KIAA0232: variants seen among roughly 807,000 people sequenced by gnomAD.
KIAA0232 encodes the protein KIAA0232, also known as uncharacterized protein KIAA0232.
A neutral mutation model predicts 122.0 loss-of-function variants in KIAA0232; 27 were observed. The ratio of observed to expected loss-of-function variants is 0.22; its 90% CI spans 0.16 to 0.31. The LOEUF (loss-of-function observed/expected upper bound fraction) is 0.31. KIAA0232 is among the 10% of genes least tolerant of loss of function. The probability of loss-of-function intolerance (pLI) is 1.00; values close to 1 mark genes in which losing one functional copy is unlikely to be tolerated. For synonymous variants in KIAA0232, 613 were observed against 587.6 expected, an observed-to-expected ratio of 1.04 and a Z score of -0.63; for missense variants, 1,551 against 1,634.2, an observed-to-expected ratio of 0.95 and a Z score of 0.88.
rs752428517 is a variant in KIAA0232, at chr4:6,800,043, C to CTTTTTTTTTTTTT, written c.-353-4460_-353-4448dup. On this transcript the variant is annotated intron_variant, in intron 1 of 9. Transcript: ENST00000307659. ...TTTCTTTTTCTTTCTTTCTTTCTTT[C>CTTTTTTTTTTTTT]TTTTTTTTTTTTTTTTTTTTTTTTT... Among the ~76,000 whole-genome samples the CTTTTTTTTTTTTT allele has an allele frequency of 2.6e-3, 158 of 60,046 alleles. 27 individuals are homozygous for CTTTTTTTTTTTTT. The highest frequency in any genetic ancestry group is 3.4e-3 in the Non-Finnish European group (95 of 28,086). 39.4% of individuals were successfully genotyped at this position (60,046 alleles called of 152,430 possible). A position where few individuals can be genotyped will look rare whatever the true frequency, so the allele number is the denominator to read the frequency against.
At position 6,866,317 on chromosome 4, in the gene KIAA0232, TAGC is replaced by T. The variant is rs1275656932; in HGVS notation, c.3801+2135_3801+2137del. 1.6e-5 allele frequency: 12 copies of T among 768,814 alleles called. No individual in the cohort carries two copies. In the Admixed American group the frequency reaches 6.9e-4, roughly 44 times the overall value. 47.6% of individuals were successfully genotyped at this position (768,814 alleles called of 1,614,324 possible). A position where few individuals can be genotyped will look rare whatever the true frequency, so the allele number is the denominator to read the frequency against. On this transcript the variant is annotated intron_variant, in intron 7 of 9. Coordinates refer to ENST00000307659, the MANE Select transcript of KIAA0232 (RefSeq NM_014743.3). ...AATTCCGGGTTTCCTTGAAAGGTCT[TAGC>T]TGCCAAAAAAATTCCCAGAGGACAT...
At chr4:6,783,872 A>G (rs2108839254) in intron 1 of KIAA0232, among the ~76,000 whole-genome samples, 1 of 152,304 alleles carries the variant, frequency 6.6e-6, no homozygotes, top group African/African-American at 2.4e-5. Flanking sequence ...ACGCGTCTGC[A>G]GCCGGCATTT....
At chr4:6,785,849 A>G (rs984705939) in intron 1 of KIAA0232, among the ~76,000 whole-genome samples, 1 of 152,202 alleles carries the variant, frequency 6.6e-6, no homozygotes, top group Non-Finnish European at 1.5e-5. Flanking sequence ...GTCCAGCTAA[A>G]CAAGACTGCT....
intron 2 of KIAA0232, among the ~76,000 whole-genome samples, chr4:6,821,217 T>C (rs1718405536): frequency 6.6e-6 from 1 of 152,208 alleles, no homozygotes; most frequent in Non-Finnish European, 1.5e-5. Context: ...AATTTTTTGC[T>C]TTTTATTTTT....
Position 6,855,893 on chromosome 4 carries a change from A to C in KIAA0232, c.370-1271A>C. ...TTGCCGTCCTTGTCACACCTTGAGC[A>C]TTATGGTAAGCAGGTGCTTTCTGGT... On this transcript the variant is annotated intron_variant, in intron 4 of 9. Transcript: ENST00000307659. This position sits in a 1 kb window ranked among gnomAD's most constrained non-coding sequence, Gnocchi z 4.3. 1 of 983,896 alleles carries C rather than the reference A, an allele frequency of 1.0e-6. No homozygotes were observed. The highest frequency in any genetic ancestry group is 1.1e-4 in the East Asian group (1 of 8,818). The allele number at this position is 983,896 out of a possible 1,614,324, so 60.9% of individuals were successfully genotyped here.
intron 7 of KIAA0232, among the ~76,000 whole-genome samples, chr4:6,868,076 C>G (rs1006758777): frequency 2.0e-5 from 3 of 152,108 alleles, no homozygotes; most frequent in African/African-American, 4.8e-5. Flanking sequence ...GGCAAGATTC[C>G]CAGAGTAAAA....
intron 3 of KIAA0232, among the ~76,000 whole-genome samples, chr4:6,832,400 G>C (rs1719038054): frequency 6.7e-6 from 1 of 150,104 alleles, no homozygotes; most frequent in South Asian, 2.1e-4. Flanking sequence ...CTAGGCTGGA[G>C]TGTAGTGGCG....
At chr4:6,835,551 T>A (rs1380169060) in intron 3 of KIAA0232, among the ~76,000 whole-genome samples, 1 of 152,222 alleles carries the variant, frequency 6.6e-6, no homozygotes, top group Non-Finnish European at 1.5e-5. Context: ...ATCTGCCATG[T>A]TGGTTTGCTG....
rs758101382 is a variant in KIAA0232 at position 6,863,972 on chromosome 4, A to C, written c.3590A>C (p.Glu1197Ala). ...SAQTSLDSQE[E>A]STGILSVGKQ... ...CAGACATCACTGGATTCCCAGGAGG[A>C]ATCAACTGGGATTCTTTCAGTAGGA... The change falls in exon 7 of 10, where the codon GAA becomes GCA. Residue 1197 changes from glutamate (E) to alanine (A), a missense_variant. Around this residue, in one of 5 missense-constraint regions of KIAA0232, gnomAD observed 1,108 missense variants for 1,154.8 expected, o/e 0.96. Coordinates refer to ENST00000307659, the MANE Select transcript of KIAA0232 (RefSeq NM_014743.3). 1.9e-6 allele frequency: 3 copies of C among 1,613,876 alleles called. No individual in the cohort carries two copies. In the African/African-American group the frequency reaches 4.0e-5, roughly 22 times the overall value.
intron 2 of KIAA0232, among the ~76,000 whole-genome samples, chr4:6,823,815 G>C (rs1305216330): frequency 6.6e-6 from 1 of 151,666 alleles, no homozygotes; most frequent in African/African-American, 2.4e-5. Context: ...CTTTTTAAAA[G>C]TTCACAATGT....
At chr4:6,797,030 A>G (rs1717162189) in intron 1 of KIAA0232, among the ~76,000 whole-genome samples, 1 of 152,174 alleles carries the variant, frequency 6.6e-6, no homozygotes, top group Non-Finnish European at 1.5e-5. Flanking sequence ...TCTTTTTAAT[A>G]TGTTGGTAGC....
chr4:6,856,843 G>C (rs549393846), intron 4 of KIAA0232, among the ~76,000 whole-genome samples: 1 of 152,236 alleles, frequency 6.6e-6, no homozygotes, highest in East Asian at 1.9e-4. Flanking sequence ...TCGTATGATG[G>C]ACATTTAGGC....
intron 4 of KIAA0232, among the ~76,000 whole-genome samples, chr4:6,856,713 A>C (rs999687584): frequency 6.7e-6 from 1 of 149,956 alleles, no homozygotes; most frequent in Non-Finnish European, 1.5e-5. Context: ...TGTTTTCTTC[A>C]GGGTGTGAGC....
At chr4:6,848,026 A>G (rs569977646) in intron 4 of KIAA0232, among the ~76,000 whole-genome samples, 1 of 152,296 alleles carries the variant, frequency 6.6e-6, no homozygotes, top group South Asian at 2.1e-4. Flanking sequence ...CTCTTCCATA[A>G]TACCATTCTT....
chr4:6,853,390 T>C (rs904875503), intron 4 of KIAA0232, among the ~76,000 whole-genome samples: 1 of 152,206 alleles, frequency 6.6e-6, no homozygotes, highest in African/African-American at 2.4e-5. Context: ...GGAAATTCAG[T>C]AACCAGCTAT....
At chr4:6,859,257 GTAAA>G (rs1278508253) in intron 6 of KIAA0232, among the ~76,000 whole-genome samples, 1 of 151,728 alleles carries the variant, frequency 6.6e-6, no homozygotes, top group African/African-American at 2.4e-5. Flanking sequence ...TTTTTTGTTC[GTAAA>G]TAGTCTTAAA....
intron 4 of KIAA0232, among the ~76,000 whole-genome samples, chr4:6,850,608 G>A (rs997748795): frequency 6.6e-6 from 1 of 151,624 alleles, no homozygotes; most frequent in Non-Finnish European, 1.5e-5. Flanking sequence ...TTATTCTCCT[G>A]GTAATGGGCC....
chr4:6,838,602 A>G (rs1020903512), intron 3 of KIAA0232, among the ~76,000 whole-genome samples: 1 of 152,092 alleles, frequency 6.6e-6, no homozygotes, highest in Non-Finnish European at 1.5e-5. Context: ...TACATTGTAT[A>G]TACTCTGCTA....
chr4:6,847,087 A>G (rs183027881), intron 4 of KIAA0232, among the ~76,000 whole-genome samples: 49 of 152,314 alleles, frequency 3.2e-4, no homozygotes, highest in African/African-American at 9.1e-4. Flanking sequence ...ATATTATTAT[A>G]TTAAATATAA....
Sources: gnomAD v4.1 joint callset for allele counts (sites outside exome capture counted in the v4.1 genomes callset) on GRCh38, gnomAD v4.1.1 for gene constraint, gnomAD v4.1.1 regional missense constraint, Gnocchi (gnomAD v3.1) non-coding constraint, MANE v1.5 for transcripts, NCBI Gene and HGNC (gene_info 2026-07-23, HGNC 2026-07-21) for gene names.